MX2: variants seen among roughly 807,000 people sequenced by gnomAD.
The protein encoded by MX2 is interferon-induced GTP-binding protein Mx2.
Under a neutral mutation model 74.0 loss-of-function variants are expected in MX2, and 51 were observed. That is an observed-to-expected ratio of 0.69 (90% CI 0.55 to 0.87). The LOEUF is 0.87. Ranked by LOEUF, MX2 falls within the 40% of genes least tolerant of loss-of-function variation. The probability of loss-of-function intolerance (pLI) is 0.00; values close to 1 mark genes in which losing one functional copy is unlikely to be tolerated. For synonymous variants in MX2, 369 were observed against 339.3 expected, an observed-to-expected ratio of 1.09 and a Z score of -0.96; for missense variants, 832 against 908.7, an observed-to-expected ratio of 0.92 and a Z score of 1.09.
At chr21:41,373,881 A>AC (rs1487909198) in intron 1 of MX2, 1 of 147,202 alleles carries the variant, frequency 6.8e-6, no homozygotes, top group Non-Finnish European at 1.5e-5. Flanking sequence ...GCTGTACTGC[A>AC]CCCCCCTCCT....
intron 5 of MX2, chr21:41,389,567 T>G (rs2089628827): frequency 6.6e-6 from 1 of 152,120 alleles, no homozygotes; most frequent in African/African-American, 2.4e-5. Flanking sequence ...CATACATACA[T>G]ACATAAAAAT....
chr21:41,381,542 G>A lies in MX2; in HGVS notation c.578-868G>A, dbSNP rs192278940. The stretch of plus-strand genomic sequence containing the variant: ...CTTCTAAAAATACAAAAAATTAGCC[G>A]GGCGCAGTGGCAGGCACCTGTAGTC... On this transcript the variant is annotated intron_variant, in intron 4 of 13. Coordinates refer to ENST00000330714, the MANE Select transcript of MX2 (RefSeq NM_002463.2). Among the ~76,000 whole-genome samples the A allele has an allele frequency of 4.6e-4, 70 of 152,040 alleles. No individual in the cohort carries two copies. The East Asian group carries it at 0.011, about 25-fold the overall frequency.
Position 41,380,992 on chromosome 21 carries a change from T to C in MX2, c.577+841T>C, listed in dbSNP as rs1258648882. 1.3e-5 allele frequency among the ~76,000 whole-genome samples: 2 copies of C among 152,216 alleles called. No individual in the cohort carries two copies. Among genetic ancestry groups the C allele is most frequent in the African/African-American group, 4.8e-5 (2 of 41,458 alleles). On this transcript the variant is annotated intron_variant, in intron 4 of 13. Transcript: ENST00000330714. The surrounding 1 kb of genome is among the most constrained non-coding windows in gnomAD (Gnocchi z 4.3). Reference sequence around the variant, plus strand: ...GTCCAAGGAAGGCCTTTTGCATTACTGGATAGCAAACTCAGTGTCTGAGCG... The same window carrying C: ...GTCCAAGGAAGGCCTTTTGCATTACCGGATAGCAAACTCAGTGTCTGAGCG...
At position 41,402,240 on chromosome 21, in the gene MX2, C is replaced by T; in HGVS notation, c.1573+112C>T. On this transcript the variant is annotated intron_variant, in intron 11 of 13. Coordinates refer to ENST00000330714, the MANE Select transcript of MX2 (RefSeq NM_002463.2). This position sits in a 1 kb window ranked among gnomAD's most constrained non-coding sequence, Gnocchi z 4.5. ...GTTACCAAACCAGCCTGCAGACACG[C>T]TCACTGGTGTGCTAGATTGCTACTC... 7.9e-7 allele frequency: 1 copy of T among 1,258,394 alleles called. No individual in the cohort carries two copies. Among genetic ancestry groups the T allele is most frequent in the Non-Finnish European group, 1.1e-6 (1 of 914,398 alleles). 78.0% of individuals were successfully genotyped at this position (1,258,394 alleles called of 1,614,324 possible). A position where few individuals can be genotyped will look rare whatever the true frequency, so the allele number is the denominator to read the frequency against.
At position 41,409,055 on chromosome 21, in the gene MX2, T is replaced by C. The variant is rs1183704636; in HGVS notation, c.*822T>C. ...GACTGGGCAACACAGGGAGACCCTG[T>C]CTCTAAAAAAATTTGTTTGTAAGTA... is the stretch of plus-strand genomic sequence containing the variant. On this transcript the variant is annotated 3_prime_UTR_variant, in exon 14 of 14. Transcript: ENST00000330714. 1.3e-5 allele frequency: 2 copies of C among 152,084 alleles called. No homozygotes were observed. Among genetic ancestry groups the C allele is most frequent in the African/African-American group, 2.4e-5 (1 of 41,374 alleles). The allele number at this position is 152,084 out of a possible 1,614,324, so 9.4% of individuals were successfully genotyped here. A position where few individuals can be genotyped will look rare whatever the true frequency, so the allele number is the denominator to read the frequency against.
In MX2 at chr21:41,390,662, G is replaced by A; in HGVS notation, c.830G>A (p.Ser277Asn). 1.2e-6 allele frequency: 2 copies of A among 1,614,214 alleles called. No individual in the cohort carries two copies. The highest frequency in any genetic ancestry group is 1.7e-6 in the Non-Finnish European group (2 of 1,180,044). The change falls in exon 6 of 14, where the codon AGC (serine) becomes AAC (asparagine). Residue 277 changes from serine to asparagine, a missense_variant. By Grantham distance (46) the Ser-to-Asn change is conservative. Coordinates refer to ENST00000330714, the MANE Select transcript of MX2 (RefSeq NM_002463.2). ...GACATTGCCACCACGGAGGCGCTGA[G>A]CATGGCCCATGAGGTGGACCCGGAA... ...NVDIATTEALSMAHEVDPEGD... is the reference protein window; with the variant it reads ...NVDIATTEALNMAHEVDPEGD...
chr21:41,375,885 G>A (rs563512805), intron 1 of MX2, among the ~76,000 whole-genome samples: 85 of 152,294 alleles, frequency 5.6e-4, no homozygotes, highest in African/African-American at 1.6e-3. Context: ...GCTCCTGCCC[G>A]GAGCACAGGC....
Position 41,380,253 on chromosome 21 carries a change from C to T in MX2, c.577+102C>T, listed in dbSNP as rs1651196942. On this transcript the variant is annotated intron_variant, in intron 4 of 13. Transcript: ENST00000330714. This position sits in a 1 kb window ranked among gnomAD's most constrained non-coding sequence, Gnocchi z 4.3. ...AGTCACCCCCACAGTGACCACTCAG[C>T]TCCTAGCCCCATGTGCTCCCACATG... 1 of 1,499,586 alleles carries T rather than the reference C, an allele frequency of 6.7e-7. No individual in the cohort carries two copies. The highest frequency in any genetic ancestry group is 2.0e-5 in the Admixed American group (1 of 49,458). 92.9% of individuals were successfully genotyped at this position (1,499,586 alleles called of 1,614,324 possible).
intron 6 of MX2, 84 bp downstream of exon 6, chr21:41,390,787 C>G: frequency 6.8e-7 from 1 of 1,470,024 alleles, no homozygotes; most frequent in Non-Finnish European, 9.4e-7. Context: ...GGGCGGATCA[C>G]GAGGTCAGGA....
At position 41,380,286 on chromosome 21, in the gene MX2, A is replaced by G; in HGVS notation, c.577+135A>G. 3 of 1,222,918 alleles carry G rather than the reference A, an allele frequency of 2.5e-6. No individual in the cohort carries two copies. The highest frequency in any genetic ancestry group is 2.2e-4 in the Middle Eastern group (1 of 4,468). The allele number at this position is 1,222,918 out of a possible 1,614,324, so 75.8% of individuals were successfully genotyped here. ...CCCATGTGCTCCCACATGGGGCTGA[A>G]CCCATTGCTGTCACCTCCACCATCC... On this transcript the variant is annotated intron_variant, in intron 4 of 13. Coordinates refer to ENST00000330714, the MANE Select transcript of MX2 (RefSeq NM_002463.2). The surrounding 1 kb of genome is among the most constrained non-coding windows in gnomAD (Gnocchi z 4.3).
At chr21:41,400,375 C>T (rs1451964607) in intron 10 of MX2, among the ~76,000 whole-genome samples, 1 of 152,140 alleles carries the variant, frequency 6.6e-6, no homozygotes, top group Non-Finnish European at 1.5e-5. Flanking sequence ...TCCCAATCCC[C>T]CTTCTCTTTG....
chr21:41,386,175 A>G (rs970160523), intron 5 of MX2, among the ~76,000 whole-genome samples: 22 of 131,366 alleles, frequency 1.7e-4, no homozygotes, highest in African/African-American at 5.8e-4. Context: ...AGCTGAGATC[A>G]CGCCACTGCA....
chr21:41,394,938 A>AAG (rs372983367), intron 6 of MX2, among the ~76,000 whole-genome samples: 11,133 of 148,234 alleles, frequency 0.075, 1,261 homozygotes, highest in African/African-American at 0.25. Flanking sequence ...TCAAAAAAGA[A>AAG]AGAGAGAGAG....
chr21:41,377,007 C>T lies in MX2; in HGVS notation c.101C>T (p.Pro34Leu), dbSNP rs201924000. The T allele has an allele frequency of 1.8e-4, 286 of 1,614,202 alleles. No individual in the cohort carries two copies. Among genetic ancestry groups the T allele is most frequent in the Middle Eastern group, 1.5e-3 (9 of 6,062 alleles). ...KEMNSFQQQP[P>L]PFGTVPPQMM... ...ATGAATTCCTTCCAGCAACAGCCAC[C>T]GCCATTCGGCACAGTGCCACCACAA... The change falls in exon 2 of 14, where the codon CCG becomes CTG. Residue 34 changes from proline to leucine, a missense_variant. By Grantham distance (98) the Pro-to-Leu change is moderately conservative. Coordinates refer to ENST00000330714, the MANE Select transcript of MX2 (RefSeq NM_002463.2).
intron 1 of MX2, among the ~76,000 whole-genome samples, chr21:41,372,513 A>G (rs372164244): frequency 1.1e-4 from 17 of 152,154 alleles, no homozygotes; most frequent in African/African-American, 4.1e-4. Flanking sequence ...AACTCTTAAT[A>G]TAGTATTTAA....
chr21:41,377,689 C>A (rs892257637), intron 2 of MX2, 100 bp from the exon 3 acceptor site: 10 of 1,317,494 alleles, frequency 7.6e-6, no homozygotes, highest in Non-Finnish European at 1.1e-5. Flanking sequence ...GTCTGCAACC[C>A]AACCTAACAT....
chr21:41,395,546 AT>A (rs1451836238), intron 6 of MX2, 40 bp from the exon 7 acceptor site: 20 of 1,600,572 alleles, frequency 1.2e-5, no homozygotes, highest in Non-Finnish European at 1.4e-5. Flanking sequence ...GTTTGAGGGG[AT>A]CACTGACCTT....
At chr21:41,362,737 G>A (rs191446012) in intron 1 of MX2, among the ~76,000 whole-genome samples, 2 of 143,226 alleles carry the variant, frequency 1.4e-5, no homozygotes, top group Non-Finnish European at 1.5e-5. Context: ...TATTGATGAC[G>A]CAGTTTTTTT....
chr21:41,362,750 CTTTTTTTTTTTT>C (rs56903696), intron 1 of MX2, among the ~76,000 whole-genome samples: 26 of 82,164 alleles, frequency 3.2e-4, no homozygotes, highest in Admixed American at 1.6e-3. Flanking sequence ...GTTTTTTTTT[CTTTTTTTTTTTT>C]TTTTTTTTTT....
Sources: allele counts gnomAD v4.1 joint callset (sites outside exome capture counted in the v4.1 genomes callset), GRCh38; gene constraint gnomAD v4.1.1; non-coding constraint Gnocchi (gnomAD v3.1); transcripts MANE v1.5; gene names NCBI Gene and HGNC (gene_info 2026-07-23, HGNC 2026-07-21).